Variants in TAF8 observed in about 807,000 individuals in gnomAD.
TAF8 encodes TATA-box binding protein associated factor 8, also known as transcription initiation factor TFIID subunit 8.
TAF8 carries 47 observed loss-of-function variants against 36.5 expected under a neutral mutation model. That is an observed-to-expected ratio of 1.29 (90% CI 1.02 to 1.64). The LOEUF is 1.64. Ranked by LOEUF, TAF8 falls within the 40% of genes most tolerant of loss-of-function variation. The pLI, the probability that TAF8 is intolerant of heterozygous loss-of-function variation, is 0.00. For synonymous variants in TAF8, 175 were observed against 159.5 expected (o/e 1.10, Z -0.73); for missense variants, 420 against 407.6 (o/e 1.03, Z -0.26).
chr6:42,055,582 G>A lies in TAF8; in HGVS notation c.254G>A (p.Arg85Lys), dbSNP rs1764951838. ...AAGTCTTACTGTGAGCACACAGCCAGGACCCAGCCCACACTGTCCGATATC... is the reference window on the plus strand; with the variant it reads ...AAGTCTTACTGTGAGCACACAGCCAAGACCCAGCCCACACTGTCCGATATC... ...SAKSYCEHTA[R>K]TQPTLSDIVV... The change falls in exon 3 of 9, where the codon AGG becomes AAG. Residue 85 changes from arginine to lysine, a missense_variant. By Grantham distance (26) the Arg-to-Lys change is conservative (BLOSUM62 2). Transcript: ENST00000372977. 1.2e-6 allele frequency: 2 copies of A among 1,614,204 alleles called. No individual in the cohort carries two copies. Among genetic ancestry groups the A allele is most frequent in the East Asian group, 2.2e-5 (1 of 44,890 alleles).
chr6:42,079,938 C>T lies in TAF8; in HGVS notation c.*2393C>T. 4.1e-6 allele frequency: 4 copies of T among 985,096 alleles called. No homozygotes were observed. The highest frequency in any genetic ancestry group is 1.7e-5 in the African/African-American group (1 of 57,248). The allele number at this position is 985,096 out of a possible 1,614,324, so 61.0% of individuals were successfully genotyped here. A position where few individuals can be genotyped will look rare whatever the true frequency, so the allele number is the denominator to read the frequency against. On this transcript the variant is annotated 3_prime_UTR_variant, in exon 9 of 9. Coordinates refer to ENST00000372977, the MANE Select transcript of TAF8 (RefSeq NM_138572.3). ...ACAGCAGGCTCCATGTTCTTCTGGC[C>T]TCACTGTACTGTGTAAGGAAAGAGC... is the stretch of plus-strand genomic sequence containing the variant.
intron 4 of TAF8, among the ~76,000 whole-genome samples, chr6:42,057,039 T>C (rs1765015131): frequency 6.6e-6 from 1 of 152,218 alleles, no homozygotes. Flanking sequence ...CCCCAGCTCA[T>C]TGTTCCTTTT....
intron 7 of TAF8, among the ~76,000 whole-genome samples, 169 bp from the exon 8 acceptor site, chr6:42,076,931 C>G (rs1278635305): frequency 6.6e-6 from 1 of 152,154 alleles, no homozygotes; most frequent in Non-Finnish European, 1.5e-5. Context: ...TCATAGCCAG[C>G]CCCTGCCTGG....
intron 5 of TAF8, among the ~76,000 whole-genome samples, chr6:42,060,491 C>T (rs893208579): frequency 3.9e-5 from 6 of 152,126 alleles, no homozygotes; most frequent in African/African-American, 9.7e-5. Context: ...TTTTAAAAGC[C>T]GAGCCCAGCC....
Position 42,050,568 on chromosome 6 carries a change from G to A in TAF8, c.27G>A (p.Gly9=), listed in dbSNP as rs1328806904. 1.3e-6 allele frequency: 2 copies of A among 1,556,846 alleles called. No individual in the cohort carries two copies. Among genetic ancestry groups the A allele is most frequent in the East Asian group, 4.8e-5 (2 of 41,916 alleles). The change falls in exon 1 of 9, where the codon GGG becomes GGA. Residue 9 remains glycine, a synonymous_variant. Transcript: ENST00000372977. The part of the protein sequence containing the change: MADAAATA[G]AGGSGTRSGS... ...TGGCCGACGCGGCGGCCACAGCTGG[G>A]GCCGGTGGCTCCGGAACGGTAAGGG...
At chr6:42,062,734 G>T (rs1411457354) in intron 5 of TAF8, among the ~76,000 whole-genome samples, 1 of 151,302 alleles carries the variant, frequency 6.6e-6, no homozygotes, top group Admixed American at 6.6e-5. Flanking sequence ...TAGAGATGGG[G>T]TTTCACCATA....
chr6:42,073,323 A>AT (rs768104324), intron 7 of TAF8, among the ~76,000 whole-genome samples: 6 of 152,164 alleles, frequency 3.9e-5, no homozygotes, highest in Non-Finnish European at 8.8e-5. Flanking sequence ...TGTGCCAGAT[A>AT]TTTTTTCTGG....
rs1036742628 is a variant in TAF8, at chr6:42,079,774, G to A, written c.*2229G>A. ...TTGCTATGTTGCCCAGGCTGGTCTT[G>A]AACTCCTGGCCTCAAGTGATCCACC... On this transcript the variant is annotated 3_prime_UTR_variant, in exon 9 of 9. Transcript: ENST00000372977. The A allele has an allele frequency of 3.7e-5, 29 of 784,382 alleles. No homozygotes were observed. The African/African-American group carries it at 5.5e-4, about 15-fold the overall frequency. 48.6% of individuals were successfully genotyped at this position (784,382 alleles called of 1,614,324 possible).
chr6:42,073,728 GCTT>G (rs1234992660), intron 7 of TAF8, among the ~76,000 whole-genome samples: 3 of 152,154 alleles, frequency 2.0e-5, no homozygotes, highest in African/African-American at 7.2e-5. Context: ...TTAAGAGCTG[GCTT>G]TTAACTAAGA....
chr6:42,051,064 G>C (rs1051304492), intron 1 of TAF8: 1 of 1,103,576 alleles, frequency 9.1e-7, no homozygotes, highest in Admixed American at 4.6e-5. Context: ...CCCATCATGC[G>C]TGTTTCTTCA....
chr6:42,076,427 G>A (rs1269035424), intron 7 of TAF8, among the ~76,000 whole-genome samples: 1 of 152,154 alleles, frequency 6.6e-6, no homozygotes, highest in Admixed American at 6.5e-5. Flanking sequence ...TCCAGCCTGG[G>A]TGACACAGGG....
At chr6:42,058,947 T>TG (rs1404562005) in intron 5 of TAF8, among the ~76,000 whole-genome samples, 1 of 151,916 alleles carries the variant, frequency 6.6e-6, no homozygotes, top group East Asian at 1.9e-4. Context: ...TGTGTGTGGT[T>TG]GGGGGGCAGA....
chr6:42,067,471 T>G (rs1330363867), intron 6 of TAF8, among the ~76,000 whole-genome samples: 2 of 152,000 alleles, frequency 1.3e-5, no homozygotes, highest in Non-Finnish European at 2.9e-5. Context: ...TGCCTCAGCC[T>G]CCCAAAGTGC....
chr6:42,054,218 CT>C (rs1764899256), intron 2 of TAF8, among the ~76,000 whole-genome samples: 1 of 152,264 alleles, frequency 6.6e-6, no homozygotes, highest in South Asian at 2.1e-4. Context: ...AACCTTTCCC[CT>C]TTCCCCAAAA....
chr6:42,064,407 A>G (rs1239398403), intron 5 of TAF8, among the ~76,000 whole-genome samples: 3 of 151,960 alleles, frequency 2.0e-5, no homozygotes, highest in African/African-American at 4.8e-5. Context: ...GGTGCCCACC[A>G]CCACGCCTGG....
intron 6 of TAF8, 71 bp downstream of exon 6, chr6:42,066,530 A>G: frequency 1.3e-6 from 2 of 1,555,200 alleles, no homozygotes; most frequent in Non-Finnish European, 1.8e-6. Flanking sequence ...TTCTCTCAGC[A>G]TGGTAGGAAG....
chr6:42,054,915 G>A (rs1170140931), intron 2 of TAF8, among the ~76,000 whole-genome samples: 3 of 145,746 alleles, frequency 2.1e-5, no homozygotes, highest in Non-Finnish European at 4.5e-5. Flanking sequence ...TTAGCATAAT[G>A]TTTTCTTTTT....
At position 42,079,995 on chromosome 6, in the gene TAF8, T is replaced by A. The variant is rs1211502188; in HGVS notation, c.*2450T>A. On this transcript the variant is annotated 3_prime_UTR_variant, in exon 9 of 9. Transcript: ENST00000372977. ...TCAGGAACGGAAGAGGGGACGCTAG[T>A]AAAAAAAAAAAAATTGGATTCCCCA... 8.6e-5 allele frequency: 80 copies of A among 930,528 alleles called. No individual in the cohort carries two copies. The highest frequency in any genetic ancestry group is 6.3e-5 in the Admixed American group (1 of 15,844). The allele number at this position is 930,528 out of a possible 1,614,324, so 57.6% of individuals were successfully genotyped here. A position where few individuals can be genotyped will look rare whatever the true frequency, so the allele number is the denominator to read the frequency against.
chr6:42,069,161 G>A lies in TAF8; in HGVS notation c.780+554G>A, dbSNP rs1432445308. 1.3e-4 allele frequency among the ~76,000 whole-genome samples: 20 copies of A among 152,118 alleles called. 1 individual carries two copies. On this transcript the variant is annotated intron_variant, in intron 7 of 8. Coordinates refer to ENST00000372977, the MANE Select transcript of TAF8 (RefSeq NM_138572.3). ...AGGAGAACAGTAGGGGATGAGGTCCGAGAGGGCCCACGGGGAGTCAGATCT... is the reference window on the plus strand; with the variant it reads ...AGGAGAACAGTAGGGGATGAGGTCCAAGAGGGCCCACGGGGAGTCAGATCT...
Sources: gnomAD v4.1 joint callset for allele counts (sites outside exome capture counted in the v4.1 genomes callset) on GRCh38, gnomAD v4.1.1 for gene constraint, MANE v1.5 for transcripts, NCBI Gene and HGNC (gene_info 2026-07-23, HGNC 2026-07-21) for gene names.